DENND3: variants seen among roughly 807,000 people sequenced by gnomAD.
DENND3 encodes the protein DENN domain-containing protein 3.
DENND3 carries 88 observed loss-of-function variants against 135.1 expected under a neutral mutation model. That is an observed-to-expected ratio of 0.65 (90% CI 0.55 to 0.78). DENND3 has a LOEUF of 0.78. Ranked by LOEUF, DENND3 falls within the 30% of genes least tolerant of loss-of-function variation. DENND3 has a pLI of 0.00. For missense variants in DENND3, 1,392 were observed against 1,688.4 expected (o/e 0.82, Z 3.08); for synonymous variants, 693 against 712.3 (o/e 0.97, Z 0.43).
rs1359261364 is a variant in DENND3 at position 141,138,922 on chromosome 8, C to G, written c.501+785C>G. Among the ~76,000 whole-genome samples, 2 of 152,200 alleles carry G rather than the reference C, an allele frequency of 1.3e-5. No individual in the cohort carries two copies. Among genetic ancestry groups the G allele is most frequent in the East Asian group, 3.9e-4 (2 of 5,194 alleles). The stretch of plus-strand genomic sequence containing the variant: ...CGATGGACCTGTGGGTTGTTTCCGC[C>G]TTTTGTCTTTGGTGTGAGCGACTGG... On this transcript the variant is annotated intron_variant, in intron 3 of 22. Transcript: ENST00000519811. This position sits in a 1 kb window ranked among gnomAD's most constrained non-coding sequence, Gnocchi z 4.8.
chr8:141,190,685 A>T, intron 20 of DENND3: 1 of 399,740 alleles, frequency 2.5e-6, no homozygotes, highest in Non-Finnish European at 4.4e-6. Flanking sequence ...CCTGTCCCTC[A>T]CCTTGGCTTT....
Position 141,157,759 on chromosome 8 carries a change from C to CTTTTTTTTTTTTTTTTTTTT in DENND3, c.1196+1806_1196+1807insTTTTTTTTTTTTTTTTTTTT, listed in dbSNP as rs374868733. 5 of 648,504 alleles carry CTTTTTTTTTTTTTTTTTTTT rather than the reference C, an allele frequency of 7.7e-6. No homozygotes were observed. In the African/African-American group the frequency reaches 1.1e-4, roughly 14 times the overall value. The allele number at this position is 648,504 out of a possible 1,614,324, so 40.2% of individuals were successfully genotyped here. On this transcript the variant is annotated intron_variant, in intron 8 of 22. Coordinates refer to ENST00000519811, the MANE Select transcript of DENND3 (RefSeq NM_001352890.3). ...TGAAAAATGTTTAGGAAAACTACCT[C>CTTTTTTTTTTTTTTTTTTTT]TTTTTTTTTTTTTTTTTGGAGACAG... is the stretch of plus-strand genomic sequence containing the variant.
chr8:141,148,903 A>G (rs956980654), intron 5 of DENND3, among the ~76,000 whole-genome samples: 1 of 151,480 alleles, frequency 6.6e-6, no homozygotes, highest in Non-Finnish European at 1.5e-5. Flanking sequence ...TTATTCACAT[A>G]AATGAATCTG....
intron 13 of DENND3, among the ~76,000 whole-genome samples, chr8:141,169,269 C>T (rs1449424323): frequency 1.3e-5 from 2 of 152,254 alleles, no homozygotes; most frequent in Non-Finnish European, 2.9e-5. Context: ...TACAGTTGCC[C>T]TGGGCACTTA....
chr8:141,173,084 A>G (rs1821856691), intron 13 of DENND3, among the ~76,000 whole-genome samples: 1 of 79,742 alleles, frequency 1.3e-5, no homozygotes, highest in African/African-American at 6.5e-5. Context: ...CTAAAACGGA[A>G]GGGAGACTCT....
chr8:141,160,183 T>A (rs917836830), intron 8 of DENND3, among the ~76,000 whole-genome samples: 6 of 85,382 alleles, frequency 7.0e-5, no homozygotes, highest in African/African-American at 2.4e-4. Context: ...TGTATTTTTT[T>A]TTTTTTTTTT....
chr8:141,137,243 G>A lies in DENND3; in HGVS notation c.385+452G>A, dbSNP rs1816889267. ...GATCCACCTGCCTTAGCCTCCCAAAGTGCTGGGATTACAGGCGTGAGCCAC... is the reference window on the plus strand; with the variant it reads ...GATCCACCTGCCTTAGCCTCCCAAAATGCTGGGATTACAGGCGTGAGCCAC... On this transcript the variant is annotated intron_variant, in intron 2 of 22. Transcript: ENST00000519811. The surrounding 1 kb of genome is among the most constrained non-coding windows in gnomAD (Gnocchi z 4.1). 6.6e-6 allele frequency among the ~76,000 whole-genome samples: 1 copy of A among 152,182 alleles called. No homozygotes were observed. Among genetic ancestry groups the A allele is most frequent in the African/African-American group, 2.4e-5 (1 of 41,438 alleles).
At position 141,192,424 on chromosome 8, in the gene DENND3, T is replaced by G; in HGVS notation, c.3473T>G (p.Phe1158Cys). 6.2e-7 allele frequency: 1 copy of G among 1,614,242 alleles called. No individual in the cohort carries two copies. Among genetic ancestry groups the G allele is most frequent in the South Asian group, 1.1e-5 (1 of 91,088 alleles). Residue 1158 changes from phenylalanine to cysteine, a missense_variant, in exon 21 of 23, where the codon TTC (phenylalanine) becomes TGC (cysteine). Phe to Cys is a radical substitution (Grantham distance 205, BLOSUM62 -2). Transcript: ENST00000519811. ...EENFKDTSTS[F>C]LAFQLLPEEE... ...AACTTCAAAGACACCAGTACCTCCT[T>G]CCTGGCCTTCCAGCTCCTTCCTGAG...
In DENND3 at chr8:141,138,980, CA is replaced by C. The variant is rs1338830700; in HGVS notation, c.501+844del. Among the ~76,000 whole-genome samples, 1 of 152,202 alleles carries C rather than the reference CA, an allele frequency of 6.6e-6. No homozygotes were observed. Among genetic ancestry groups the C allele is most frequent in the Non-Finnish European group, 1.5e-5 (1 of 68,044 alleles). ...ACTTTACAACACATTACATCTGTCACACATATTGGGAGTGTTGTCTGGGTAG... is the reference window on the plus strand; with the variant it reads ...ACTTTACAACACATTACATCTGTCACCATATTGGGAGTGTTGTCTGGGTAG... On this transcript the variant is annotated intron_variant, in intron 3 of 22. Transcript: ENST00000519811. The surrounding 1 kb of genome is among the most constrained non-coding windows in gnomAD (Gnocchi z 4.8).
At chr8:141,190,452 T>C (rs1052707531) in intron 20 of DENND3, 35 bp downstream of exon 20, 3 of 1,576,522 alleles carry the variant, frequency 1.9e-6, no homozygotes, top group Non-Finnish European at 2.6e-6. Context: ...GCGGGCACCC[T>C]ACCTCCCTGC....
At chr8:141,163,926 A>G (rs1488490714) in intron 10 of DENND3, among the ~76,000 whole-genome samples, 1 of 152,070 alleles carries the variant, frequency 6.6e-6, no homozygotes, top group East Asian at 1.9e-4. Context: ...AAAAAAAAAA[A>G]AAGTATAATT....
intron 4 of DENND3, chr8:141,142,512 A>G: frequency 2.5e-6 from 1 of 398,334 alleles, no homozygotes; most frequent in Non-Finnish European, 5.0e-6. Flanking sequence ...CCAGCACTTT[A>G]GTGGTTTACT....
intron 18 of DENND3, among the ~76,000 whole-genome samples, chr8:141,186,642 T>C (rs1363069817): frequency 6.6e-6 from 1 of 152,200 alleles, no homozygotes; most frequent in Non-Finnish European, 1.5e-5. Flanking sequence ...ACACCCCTGA[T>C]TTAAAGCAAG....
At chr8:141,142,908 G>T (rs927229966) in intron 4 of DENND3, 1 of 156,534 alleles carries the variant, frequency 6.4e-6, no homozygotes, top group Non-Finnish European at 1.4e-5. Flanking sequence ...CCTCCTGGTC[G>T]ATGTTATGTG....
intron 17 of DENND3, among the ~76,000 whole-genome samples, chr8:141,181,317 T>C (rs307741): frequency 0.12 from 18,917 of 152,194 alleles, 3,609 homozygotes; most frequent in African/African-American, 0.41. Context: ...CGCCACCATG[T>C]CTGGCTAACA....
intron 1 of DENND3, among the ~76,000 whole-genome samples, chr8:141,132,799 G>C (rs975050512): frequency 6.6e-6 from 1 of 152,220 alleles, no homozygotes; most frequent in African/African-American, 2.4e-5. Context: ...CATTATAAGT[G>C]ACTAGAGATA....
At chr8:141,160,397 T>G (rs1205508698) in intron 8 of DENND3, among the ~76,000 whole-genome samples, 1 of 152,114 alleles carries the variant, frequency 6.6e-6, no homozygotes, top group East Asian at 1.9e-4. Flanking sequence ...CAGGCTGGTC[T>G]TGAACTCCCT....
At chr8:141,188,406 A>G (rs540744980) in intron 18 of DENND3, 1 of 152,286 alleles carries the variant, frequency 6.6e-6, no homozygotes, top group Admixed American at 6.6e-5. Flanking sequence ...GTATTTGCAA[A>G]TTCGACCACC....
chr8:141,162,005 A>T (rs2154613086), intron 9 of DENND3, among the ~76,000 whole-genome samples: 1 of 152,014 alleles, frequency 6.6e-6, no homozygotes, highest in Non-Finnish European at 1.5e-5. Context: ...GGGCTTCACC[A>T]TGTTTACCAG....
Sources: allele counts gnomAD v4.1 joint callset (sites outside exome capture counted in the v4.1 genomes callset), GRCh38; gene constraint gnomAD v4.1.1; non-coding constraint Gnocchi (gnomAD v3.1); transcripts MANE v1.5; gene names NCBI Gene and HGNC (gene_info 2026-07-23, HGNC 2026-07-21).